LRP1B: variants seen among roughly 807,000 people sequenced by gnomAD.
LRP1B encodes the protein low-density lipoprotein receptor-related protein 1B.
Under a neutral mutation model 556.6 loss-of-function variants are expected in LRP1B, and 217 were observed. The ratio of observed to expected loss-of-function variants is 0.39; its 90% CI spans 0.35 to 0.44. The LOEUF is 0.44. LRP1B is among the 20% of genes least tolerant of loss of function. The probability of loss-of-function intolerance (pLI) is 1.00; values close to 1 mark genes in which losing one functional copy is unlikely to be tolerated. For synonymous variants in LRP1B, 2,047 were observed against 1,865.8 expected (o/e 1.10, Z -2.50); for missense variants, 5,053 against 5,620.8 (o/e 0.90, Z 3.23).
intron 18 of LRP1B, among the ~76,000 whole-genome samples, chr2:140,977,803 A>G (rs571570932): frequency 9.5e-4 from 144 of 152,280 alleles, no homozygotes; most frequent in Admixed American, 4.4e-3. Flanking sequence ...ACATTTCATC[A>G]TTAGGGAAGC....
chr2:140,347,250 G>A (rs1474897236), intron 77 of LRP1B, among the ~76,000 whole-genome samples: 2 of 151,640 alleles, frequency 1.3e-5, no homozygotes, highest in East Asian at 3.9e-4. Context: ...CTTATGTACA[G>A]ATTAAATCAT....
intron 1 of LRP1B, among the ~76,000 whole-genome samples, chr2:142,030,283 A>C (rs542936517): frequency 2.6e-5 from 4 of 152,074 alleles, no homozygotes; most frequent in Non-Finnish European, 5.9e-5. Context: ...ATTAAAAATC[A>C]GTCAATATTT....
At chr2:140,989,431 T>C (rs1206100775) in intron 17 of LRP1B, 101 bp downstream of exon 17, 1 of 1,248,594 alleles carries the variant, frequency 8.0e-7, no homozygotes, top group African/African-American at 1.5e-5. Context: ...AATCAGATCA[T>C]CAGCACTAGG....
rs182884139 is a variant in LRP1B, at chr2:141,978,600, T to A, written c.82+152048A>T. Among the ~76,000 whole-genome samples, 14 of 152,084 alleles carry A rather than the reference T, an allele frequency of 9.2e-5. No individual in the cohort carries two copies. The East Asian group carries it at 2.7e-3, about 29-fold the overall frequency. On this transcript the variant is annotated intron_variant, in intron 1 of 90. Transcript: ENST00000389484. ...ATGAAAATACAGGGCAGGTTAATCA[T>A]AGGTGTTCTTGAAGCTTCCAGAGCC... is the stretch of plus-strand genomic sequence containing the variant.
chr2:142,090,485 A>G (rs1706125635), intron 1 of LRP1B, among the ~76,000 whole-genome samples: 1 of 152,158 alleles, frequency 6.6e-6, no homozygotes, highest in Non-Finnish European at 1.5e-5. Flanking sequence ...GATGAAAATA[A>G]TTATACACAG....
chr2:140,428,233 G>A (rs1024518343), intron 66 of LRP1B, among the ~76,000 whole-genome samples: 7 of 152,052 alleles, frequency 4.6e-5, no homozygotes, highest in Admixed American at 2.0e-4. Context: ...AATTAACCTC[G>A]CCTTCAAGGT....
chr2:140,935,715 A>G (rs1262894722), intron 20 of LRP1B, among the ~76,000 whole-genome samples: 1 of 152,108 alleles, frequency 6.6e-6, no homozygotes, highest in East Asian at 1.9e-4. Flanking sequence ...CACACATTAT[A>G]AGCAAACTAT....
chr2:140,488,247 A>T (rs1356712890), intron 57 of LRP1B, among the ~76,000 whole-genome samples: 3 of 109,202 alleles, frequency 2.7e-5, no homozygotes, highest in Non-Finnish European at 7.3e-5. Flanking sequence ...TCTTGTCCCA[A>T]CAACAATATA....
intron 3 of LRP1B, among the ~76,000 whole-genome samples, chr2:141,416,553 A>C (rs2104954609): frequency 6.7e-6 from 1 of 148,924 alleles, no homozygotes; most frequent in Middle Eastern, 3.6e-3. Flanking sequence ...TCCCAGGCTC[A>C]AGCAATTCTC....
At chr2:141,865,683 AGTTG>A (rs965588272) in intron 1 of LRP1B, among the ~76,000 whole-genome samples, 14 of 152,104 alleles carry the variant, frequency 9.2e-5, no homozygotes, top group African/African-American at 2.9e-4. Flanking sequence ...AGAACTACAT[AGTTG>A]GAGGTATGTG....
At chr2:140,881,230 G>A (rs1349127456) in intron 25 of LRP1B, among the ~76,000 whole-genome samples, 1 of 147,802 alleles carries the variant, frequency 6.8e-6, no homozygotes, top group Non-Finnish European at 1.5e-5. Flanking sequence ...TGCTTTTCTT[G>A]TGCTTGGCTT....
At chr2:141,201,565 C>T (rs180682985) in intron 6 of LRP1B, among the ~76,000 whole-genome samples, 5,201 of 151,858 alleles carry the variant, frequency 0.034, 135 homozygotes, top group Non-Finnish European at 0.05. Context: ...GATTTGTGTC[C>T]CTAAAAATAC....
At position 140,317,881 on chromosome 2, in the gene LRP1B, A is replaced by G. The variant is rs896484039; in HGVS notation, c.12641-2782T>C. On this transcript the variant is annotated intron_variant, in intron 82 of 90. Transcript: ENST00000389484. ...TTAAAGTACAACACTGCCTGATGAA[A>G]TGGAAGTGGAGTTACATTCTTGCAA... Among the ~76,000 whole-genome samples, 7 of 152,084 alleles carry G rather than the reference A, an allele frequency of 4.6e-5. No homozygotes were observed. In the East Asian group the frequency reaches 1.4e-3, roughly 29 times the overall value.
At chr2:141,751,688 G>C (rs529279918) in intron 2 of LRP1B, among the ~76,000 whole-genome samples, 14 of 151,446 alleles carry the variant, frequency 9.2e-5, no homozygotes, top group African/African-American at 3.2e-4. Context: ...ATCCAGAAGA[G>C]GAAAATACAT....
chr2:140,683,758 T>C, intron 41 of LRP1B: 1 of 965,506 alleles, frequency 1.0e-6, no homozygotes, highest in Non-Finnish European at 1.6e-6. Context: ...CTTCTCAGTC[T>C]CTCTCTCCTG....
chr2:141,125,848 A>AAC (rs1394505910), intron 7 of LRP1B, among the ~76,000 whole-genome samples: 2 of 147,176 alleles, frequency 1.4e-5, no homozygotes, highest in African/African-American at 2.6e-5. Flanking sequence ...CAAATGCAAA[A>AAC]AAAAAAAAAA....
At chr2:141,538,345 C>A (rs1234286670) in intron 2 of LRP1B, among the ~76,000 whole-genome samples, 1 of 152,104 alleles carries the variant, frequency 6.6e-6, no homozygotes, top group Non-Finnish European at 1.5e-5. Context: ...TCTTCCCTCT[C>A]TCGCTTCTAT....
At chr2:141,032,826 C>CATACATACATACATACATATAT in intron 11 of LRP1B, among the ~76,000 whole-genome samples, 4 of 126,612 alleles carry the variant, frequency 3.2e-5, no homozygotes, top group South Asian at 2.7e-4. Flanking sequence ...TATATACATA[C>CATACATACATACATACATATAT]ATATATATAT....
intron 43 of LRP1B, among the ~76,000 whole-genome samples, chr2:140,569,157 A>G (rs1681231556): frequency 6.6e-6 from 1 of 152,066 alleles, no homozygotes; most frequent in Non-Finnish European, 1.5e-5. Flanking sequence ...AGGTGGATAA[A>G]GGAACAAACT....
Sources: gnomAD v4.1 joint callset for allele counts (sites outside exome capture counted in the v4.1 genomes callset) on GRCh38, gnomAD v4.1.1 for gene constraint, MANE v1.5 for transcripts, NCBI Gene and HGNC (gene_info 2026-07-23, HGNC 2026-07-21) for gene names.